Variants in NELL1 observed in about 807,000 individuals in gnomAD.
NELL1 encodes the protein protein kinase C-binding protein NELL1.
A neutral mutation model predicts 107.4 loss-of-function variants in NELL1; 76 were observed. The observed-to-expected ratio is 0.71, with a 90% CI of 0.59 to 0.86. The LOEUF (loss-of-function observed/expected upper bound fraction) is 0.86. Among genes scored for constraint, NELL1 ranks in the 40% least tolerant of loss-of-function variants. NELL1 has a pLI of 0.00. For synonymous variants in NELL1, 353 were observed against 341.2 expected (o/e 1.03, Z -0.38); for missense variants, 1,024 against 1,005.5 (o/e 1.02, Z -0.25).
intron 15 of NELL1, among the ~76,000 whole-genome samples, chr11:21,384,159 C>T (rs985266883): frequency 6.6e-6 from 1 of 151,958 alleles, no homozygotes; most frequent in Non-Finnish European, 1.5e-5. Flanking sequence ...CTAACTCATC[C>T]TCCTTCCACT....
intron 12 of NELL1, among the ~76,000 whole-genome samples, chr11:21,084,536 C>T (rs980628953): frequency 6.6e-6 from 1 of 152,190 alleles, no homozygotes; most frequent in South Asian, 2.1e-4. Flanking sequence ...ATGAGAGTCT[C>T]GCTCTCCACA....
At chr11:21,075,559 G>A (rs868071053) in intron 12 of NELL1, among the ~76,000 whole-genome samples, 26 of 152,152 alleles carry the variant, frequency 1.7e-4, no homozygotes, top group African/African-American at 6.0e-4. Flanking sequence ...TCTCACTACT[G>A]CCTTGAACTC....
chr11:21,003,621 G>T (rs1045409261), intron 12 of NELL1, among the ~76,000 whole-genome samples: 1 of 152,108 alleles, frequency 6.6e-6, no homozygotes, highest in African/African-American at 2.4e-5. Flanking sequence ...TTGCCCTGCT[G>T]TTTTTGGTAC....
At chr11:21,021,942 T>C (rs1852711598) in intron 12 of NELL1, among the ~76,000 whole-genome samples, 1 of 152,084 alleles carries the variant, frequency 6.6e-6, no homozygotes, top group Non-Finnish European at 1.5e-5. Flanking sequence ...CCATTGGGCA[T>C]TAATAATTCT....
At chr11:20,762,327 G>A (rs145306249) in intron 2 of NELL1, among the ~76,000 whole-genome samples, 111 of 152,280 alleles carry the variant, frequency 7.3e-4, no homozygotes, top group African/African-American at 2.6e-3. Flanking sequence ...AACAAAGGCT[G>A]TTGGAATACA....
intron 13 of NELL1, among the ~76,000 whole-genome samples, chr11:21,120,000 G>A (rs1855328587): frequency 6.6e-6 from 1 of 152,062 alleles, no homozygotes; most frequent in Non-Finnish European, 1.5e-5. Context: ...TATGCCAAAA[G>A]CTTCCCATGA....
At chr11:20,739,768 A>G (rs16906716) in intron 2 of NELL1, among the ~76,000 whole-genome samples, 2,218 of 152,292 alleles carry the variant, frequency 0.015, 44 homozygotes, top group African/African-American at 0.048. Flanking sequence ...AGGGTTCACA[A>G]GAGGATGTGC....
At chr11:21,345,647 C>A (rs1850667319) in intron 14 of NELL1, among the ~76,000 whole-genome samples, 1 of 152,198 alleles carries the variant, frequency 6.6e-6, no homozygotes, top group Non-Finnish European at 1.5e-5. Context: ...TCTACTATAA[C>A]ATGCAATATT....
chr11:21,224,484 G>T (rs1381444858), intron 13 of NELL1, among the ~76,000 whole-genome samples: 1 of 151,510 alleles, frequency 6.6e-6, no homozygotes, highest in African/African-American at 2.4e-5. Flanking sequence ...GCCTCCCAAA[G>T]TGCTGGGATT....
At chr11:21,034,991 T>G (rs1853053059) in intron 12 of NELL1, among the ~76,000 whole-genome samples, 1 of 151,968 alleles carries the variant, frequency 6.6e-6, no homozygotes, top group South Asian at 2.1e-4. Context: ...GACTGCTAGC[T>G]AGACTAATAA....
chr11:21,547,276 G>A (rs528066553), intron 16 of NELL1, among the ~76,000 whole-genome samples: 13 of 152,000 alleles, frequency 8.6e-5, no homozygotes, highest in South Asian at 4.1e-4. Flanking sequence ...GTTCCAGGAC[G>A]TGACAGCAGC....
chr11:20,684,305 A>G (rs1167307600), intron 2 of NELL1, among the ~76,000 whole-genome samples: 2 of 152,134 alleles, frequency 1.3e-5, no homozygotes, highest in East Asian at 3.9e-4. Context: ...AATTTAAAAC[A>G]TTATTCTTTT....
chr11:21,068,123 A>T (rs1308047906), intron 12 of NELL1, among the ~76,000 whole-genome samples: 4 of 147,086 alleles, frequency 2.7e-5, no homozygotes, highest in Non-Finnish European at 6.0e-5. Context: ...TTTCTCATAG[A>T]TGGAGATGTA....
At chr11:20,692,029 A>G (rs1854481663) in intron 2 of NELL1, among the ~76,000 whole-genome samples, 1 of 151,936 alleles carries the variant, frequency 6.6e-6, no homozygotes, top group Non-Finnish European at 1.5e-5. Flanking sequence ...GTATGTGTCG[A>G]GGAATTTATC....
chr11:21,227,122 T>C (rs1333128894), intron 13 of NELL1, among the ~76,000 whole-genome samples: 1 of 152,206 alleles, frequency 6.6e-6, no homozygotes, highest in Admixed American at 6.5e-5. Flanking sequence ...TGAGAAACCT[T>C]GATCATTTGT....
intron 2 of NELL1, among the ~76,000 whole-genome samples, chr11:20,750,194 T>A (rs1257429003): frequency 6.6e-6 from 1 of 152,306 alleles, no homozygotes; most frequent in African/African-American, 2.4e-5. Context: ...ACTAATGATG[T>A]TTAGCATCTT....
At chr11:21,405,026 T>G (rs1458743278) in intron 15 of NELL1, among the ~76,000 whole-genome samples, 2 of 152,078 alleles carry the variant, frequency 1.3e-5, no homozygotes, top group African/African-American at 2.4e-5. Context: ...GCAAGGCAAG[T>G]AAGCCTGTGT....
intron 2 of NELL1, among the ~76,000 whole-genome samples, chr11:20,711,430 A>T (rs191268718): frequency 2.6e-5 from 4 of 152,002 alleles, no homozygotes; most frequent in African/African-American, 9.7e-5. Context: ...GTTGTTGCCT[A>T]AGTACCTTGT....
At chr11:21,508,939 T>A (rs1337460453) in intron 15 of NELL1, among the ~76,000 whole-genome samples, 2 of 152,104 alleles carry the variant, frequency 1.3e-5, no homozygotes, top group Non-Finnish European at 2.9e-5. Context: ...TAGCAGAAAT[T>A]ACCTTATGTC....
Sources: allele counts gnomAD v4.1 joint callset (sites outside exome capture counted in the v4.1 genomes callset), GRCh38; gene constraint gnomAD v4.1.1; transcripts MANE v1.5; gene names NCBI Gene and HGNC (gene_info 2026-07-23, HGNC 2026-07-21).